The following MX2 variants were observed in gnomAD, a reference collection of about 807,000 sequenced individuals.
MX2 encodes the protein MX dynamin like GTPase 2.
MX2 carries 51 observed loss-of-function variants against 74.0 expected under a neutral mutation model. The observed-to-expected ratio is 0.69, with a 90% confidence interval of 0.55 to 0.87. The LOEUF (loss-of-function observed/expected upper bound fraction) is 0.87, where lower values mean the gene tolerates loss of function less well. Among genes scored for constraint, MX2 ranks in the 40% least tolerant of loss-of-function variants. MX2 has a pLI of 0.00. For synonymous variants in MX2, 369 were observed against 339.3 expected (o/e 1.09, Z -0.96); for missense variants, 832 against 908.7 (o/e 0.92, Z 1.09).
intron 1 of MX2, 69 bp from the exon 2 acceptor site, chr21:41,376,767 G>A: frequency 7.8e-7 from 1 of 1,286,710 alleles, no homozygotes; most frequent in Non-Finnish European, 1.1e-6. Flanking sequence ...AGGAGGGGTT[G>A]GCAAAAGTGC....
intron 5 of MX2, among the ~76,000 whole-genome samples, chr21:41,386,995 GAAC>G (rs137882472): frequency 0.09 from 13,621 of 152,068 alleles, 791 homozygotes; most frequent in South Asian, 0.21. Flanking sequence ...AAACAAAACA[GAAC>G]AACAACAACA....
In MX2 at chr21:41,380,574, G is replaced by T. The variant is rs1352002646; in HGVS notation, c.577+423G>T. On this transcript the variant is annotated intron_variant, in intron 4 of 13. Coordinates refer to ENST00000330714, the MANE Select transcript of MX2 (RefSeq NM_002463.2). The surrounding 1 kb of genome is among the most constrained non-coding windows in gnomAD (Gnocchi z 4.3). ...TTGGAAATGCTGCTGCAGGACCCCT[G>T]GTCCCACCCCAGGTGTCACAACCAT... Among the ~76,000 whole-genome samples, 1 of 152,138 alleles carries T rather than the reference G, an allele frequency of 6.6e-6. No homozygotes were observed. The highest frequency in any genetic ancestry group is 1.5e-5 in the Non-Finnish European group (1 of 68,034).
intron 1 of MX2, among the ~76,000 whole-genome samples, chr21:41,369,552 T>C (rs1169194806): frequency 1.3e-4 from 20 of 151,922 alleles, no homozygotes; most frequent in Admixed American, 1.3e-3. Flanking sequence ...GCAGTCTCTG[T>C]CCCAAGGGAG....
chr21:41,386,387 G>T (rs1304086633), intron 5 of MX2, among the ~76,000 whole-genome samples: 1 of 152,204 alleles, frequency 6.6e-6, no homozygotes, highest in African/African-American at 2.4e-5. Context: ...AGAGCAAACT[G>T]CATGAGAGAA....
At chr21:41,400,899 G>T (rs2089803488) in intron 10 of MX2, 1 of 152,200 alleles carries the variant, frequency 6.6e-6, no homozygotes, top group Admixed American at 6.5e-5. Context: ...TAGAGATGGG[G>T]TTTTGCCACG....
intron 8 of MX2, 75 bp downstream of exon 8, chr21:41,397,766 A>T (rs2089755560): frequency 2.3e-6 from 3 of 1,300,048 alleles, no homozygotes; most frequent in Non-Finnish European, 3.3e-6. Context: ...GAGTTGGCTA[A>T]GATGCCCCAC....
At chr21:41,382,120 TA>T (rs1454436732) in intron 4 of MX2, among the ~76,000 whole-genome samples, 1 of 152,210 alleles carries the variant, frequency 6.6e-6, no homozygotes, top group African/African-American at 2.4e-5. Flanking sequence ...TGGAAAATGC[TA>T]AAAAGCAGGA....
At chr21:41,391,135 A>C (rs374234989) in intron 6 of MX2, among the ~76,000 whole-genome samples, 1 of 152,062 alleles carries the variant, frequency 6.6e-6, no homozygotes, top group African/African-American at 2.4e-5. Flanking sequence ...TACAAGTGCT[A>C]TTGTTCTTGT....
rs145665470 is a variant in MX2 at position 41,395,720 on chromosome 21, C to T, written c.1005C>T (p.Asn335=). The T allele has an allele frequency of 6.5e-5, 105 of 1,614,218 alleles. No homozygotes were observed. The African/African-American group carries it at 1.4e-3, about 21-fold the overall frequency. ...GCCGGGGCCAGCAGGAGATCACAAA[C>T]AGGCTGAGCTTGGCAGAGGCAACCA... ...VKCRGQQEIT[N]RLSLAEATKK... is the part of the protein sequence containing the mutation. The change falls in exon 7 of 14, where the codon AAC becomes AAT. Residue 335 remains asparagine, a synonymous_variant. Coordinates refer to ENST00000330714, the MANE Select transcript of MX2 (RefSeq NM_002463.2).
intron 4 of MX2, among the ~76,000 whole-genome samples, chr21:41,381,070 C>G (rs568626230): frequency 3.9e-5 from 6 of 152,368 alleles, no homozygotes; most frequent in Admixed American, 2.0e-4. Context: ...GAACCCCTGT[C>G]TGCCTGGATC....
At chr21:41,407,865 TG>T in intron 13 of MX2, 125 bp from the exon 14 acceptor site, 2 of 1,220,810 alleles carry the variant, frequency 1.6e-6, no homozygotes, top group Non-Finnish European at 2.3e-6. Flanking sequence ...GGAGTGGAGG[TG>T]GGCGAGACCA....
intron 12 of MX2, 118 bp from the exon 13 acceptor site, chr21:41,406,626 T>G: frequency 9.3e-7 from 1 of 1,080,742 alleles, no homozygotes; most frequent in Non-Finnish European, 1.3e-6. Context: ...GTCTCAGGAC[T>G]TCTTTGACTA....
chr21:41,399,281 A>G lies in MX2; in HGVS notation c.1358A>G (p.Lys453Arg), dbSNP rs201039755. 1 of 1,614,180 alleles carries G rather than the reference A, an allele frequency of 6.2e-7. No homozygotes were observed. The highest frequency in any genetic ancestry group is 1.7e-5 in the Admixed American group (1 of 60,030). The part of the protein sequence containing the change: ...VRENETRLYN[K>R]IREDFKNWVG... ...GAGAATGAGACCCGTTTATACAACA[A>G]AATCAGAGAGGATTTTAAAAACTGG... The change falls in exon 10 of 14, where the codon AAA becomes AGA. Residue 453 changes from lysine (K) to arginine (R), a missense_variant. Transcript: ENST00000330714.
chr21:41,408,214 C>CCA lies in MX2; in HGVS notation c.2130_2131dup (p.Ser711ThrfsTer73), dbSNP rs1451328341. The CCA allele has an allele frequency of 1.2e-6, 2 of 1,614,158 alleles. No individual in the cohort carries two copies. Among genetic ancestry groups the CCA allele is most frequent in the East Asian group, 4.5e-5 (2 of 44,882 alleles). On this transcript the variant is annotated frameshift_variant, in exon 14 of 14. Coordinates refer to ENST00000330714, the MANE Select transcript of MX2 (RefSeq NM_002463.2). LOFTEE classifies it high-confidence loss of function. ...GCGCGACACGCACTCTGTCAATTCT[C>CCA]CAGCAAAGAGATCCACTGAAGGGCG...
chr21:41,379,942 A>G (rs1297510654), intron 3 of MX2, 75 bp from the exon 4 acceptor site: 5 of 1,570,284 alleles, frequency 3.2e-6, no homozygotes, highest in Non-Finnish European at 4.3e-6. Flanking sequence ...ACAGCAGGGC[A>G]GGTTCTGGGA....
Position 41,382,515 on chromosome 21 carries a change from G to T in MX2, c.683G>T (p.Gly228Val). The part of the protein sequence containing the change: ...VPDLTIIDLP[G>V]ITRVAVDNQP... Reference sequence around the variant, plus strand: ...GACCTGACCATCATTGACCTTCCCGGCATCACCAGGGTGGCTGTGGACAAC... The same window carrying T: ...GACCTGACCATCATTGACCTTCCCGTCATCACCAGGGTGGCTGTGGACAAC... The change falls in exon 5 of 14, where the codon GGC becomes GTC. Residue 228 changes from glycine (G) to valine (V), a missense_variant. Coordinates refer to ENST00000330714, the MANE Select transcript of MX2 (RefSeq NM_002463.2). 2 of 1,614,196 alleles carry T rather than the reference G, an allele frequency of 1.2e-6. No individual in the cohort carries two copies. The highest frequency in any genetic ancestry group is 1.1e-5 in the South Asian group (1 of 91,090).
At chr21:41,396,039 T>G (rs1601424986) in intron 7 of MX2, among the ~76,000 whole-genome samples, 1 of 152,242 alleles carries the variant, frequency 6.6e-6, no homozygotes, top group African/African-American at 2.4e-5. Flanking sequence ...TCCCAAAATG[T>G]TTTCACTTCC....
In MX2 at chr21:41,408,470, G is replaced by A. The variant is rs2089915387; in HGVS notation, c.*237G>A. On this transcript the variant is annotated 3_prime_UTR_variant, in exon 14 of 14. Coordinates refer to ENST00000330714, the MANE Select transcript of MX2 (RefSeq NM_002463.2). ...GATGGCTCTCCAGTCCTTGGGTCCC[G>A]TAGCACACAGTTACAGTGTCCTAAG... The A allele has an allele frequency of 7.1e-6, 4 of 564,562 alleles. No individual in the cohort carries two copies. The highest frequency in any genetic ancestry group is 3.0e-5 in the East Asian group (1 of 33,638). 35.0% of individuals were successfully genotyped at this position (564,562 alleles called of 1,614,324 possible). A position where few individuals can be genotyped will look rare whatever the true frequency, so the allele number is the denominator to read the frequency against.
At position 41,409,240 on chromosome 21, in the gene MX2, CA is replaced by C; in HGVS notation, c.*1008del. 1 of 145,852 alleles carries C rather than the reference CA, an allele frequency of 6.9e-6. No homozygotes were observed. Among genetic ancestry groups the C allele is most frequent in the South Asian group, 2.1e-4 (1 of 4,756 alleles). The allele number at this position is 145,852 out of a possible 1,614,324, so 9.0% of individuals were successfully genotyped here. On this transcript the variant is annotated 3_prime_UTR_variant, in exon 14 of 14. Transcript: ENST00000330714. ...GAGTGAGACTCTGTCTCTGAATACA[CA>C]CACACACACACACACACATACACAG...
Sources: gnomAD v4.1 joint callset for allele counts (sites outside exome capture counted in the v4.1 genomes callset) on GRCh38, gnomAD v4.1.1 for gene constraint, Gnocchi (gnomAD v3.1) non-coding constraint, MANE v1.5 for transcripts, NCBI Gene and HGNC (gene_info 2026-07-23, HGNC 2026-07-21) for gene names.